GLYATL2: variants seen among roughly 807,000 people sequenced by gnomAD.
GLYATL2 encodes glycine N-acyltransferase-like protein 2.
In GLYATL2, 25 loss-of-function variants were observed where a neutral mutation model predicts 21.4. That is an observed-to-expected ratio of 1.17 (90% CI 0.85 to 1.63). The LOEUF (loss-of-function observed/expected upper bound fraction) is 1.63. Among genes scored for constraint, GLYATL2 ranks in the 40% most tolerant of loss-of-function variants. The probability of loss-of-function intolerance (pLI) is 0.00; values close to 1 mark genes in which losing one functional copy is unlikely to be tolerated. For synonymous variants in GLYATL2, 114 were observed against 118.2 expected (o/e 0.96, Z 0.23); for missense variants, 361 against 343.3 (o/e 1.05, Z -0.41).
chr11:58,875,211 A>G (rs1024625629), intron 1 of GLYATL2, among the ~76,000 whole-genome samples: 2 of 152,098 alleles, frequency 1.3e-5, no homozygotes, highest in Non-Finnish European at 2.9e-5. Flanking sequence ...TTTCCTGAAT[A>G]CAGCACACTG....
intron 1 of GLYATL2, among the ~76,000 whole-genome samples, chr11:58,883,225 T>A (rs1464612383): frequency 6.6e-6 from 1 of 152,188 alleles, no homozygotes; most frequent in East Asian, 1.9e-4. Context: ...TCCTCTTTTA[T>A]TTCGTTGAGC....
At chr11:58,882,381 T>G (rs1435939913) in intron 1 of GLYATL2, among the ~76,000 whole-genome samples, 2 of 152,244 alleles carry the variant, frequency 1.3e-5, no homozygotes, top group Non-Finnish European at 2.9e-5. Context: ...AATGTCTTCT[T>G]TTGAGAAGTG....
chr11:58,873,715 A>G, intron 1 of GLYATL2, among the ~76,000 whole-genome samples: 1 of 152,158 alleles, frequency 6.6e-6, no homozygotes, highest in Non-Finnish European at 1.5e-5. Context: ...TTTTTGCATC[A>G]ATGTTCATCA....
intron 1 of GLYATL2, among the ~76,000 whole-genome samples, chr11:58,891,615 A>G (rs1465025018): frequency 6.6e-6 from 1 of 152,186 alleles, no homozygotes; most frequent in Non-Finnish European, 1.5e-5. Flanking sequence ...TCCACCCTCT[A>G]GGACACTACA....
intron 1 of GLYATL2, among the ~76,000 whole-genome samples, chr11:58,891,846 G>A (rs1291438977): frequency 6.6e-6 from 1 of 152,196 alleles, no homozygotes; most frequent in Non-Finnish European, 1.5e-5. Context: ...TTGCAATCTT[G>A]ATTGTGCTGG....
chr11:58,836,628 A>C (rs762693257), intron 5 of GLYATL2, among the ~76,000 whole-genome samples: 5 of 152,342 alleles, frequency 3.3e-5, no homozygotes, highest in South Asian at 4.1e-4. Context: ...CATACATATC[A>C]GTGTCAAAAT....
At chr11:58,909,396 A>G in the GLYATL2 span, among the ~76,000 whole-genome samples, 1 of 152,332 alleles carries the variant, frequency 6.6e-6, no homozygotes, top group African/African-American at 2.4e-5. Flanking sequence ...TGTTCTTATT[A>G]CAAAAGTAAT....
At chr11:58,838,697 G>A (rs550405497) in intron 2 of GLYATL2, among the ~76,000 whole-genome samples, 5 of 152,128 alleles carry the variant, frequency 3.3e-5, no homozygotes, top group Admixed American at 1.3e-4. Context: ...CATCTATTAT[G>A]TATCAGGTCT....
intron 1 of GLYATL2, among the ~76,000 whole-genome samples, chr11:58,891,933 GCCTGGTGGAGGGTGACTAATTTCAT>G (rs1487730405): frequency 1.1e-4 from 17 of 152,232 alleles, no homozygotes; most frequent in Non-Finnish European, 1.0e-4. Context: ...GCATCTTAAG[GCCTGGTGGAGGGTGACTAATTTCAT>G]CCTGTCTTTG....
rs181324501 is a variant in GLYATL2, at chr11:58,872,818, G to T, written n.60+31338C>A. Among the ~76,000 whole-genome samples the T allele has an allele frequency of 2.0e-5, 3 of 152,190 alleles. No individual in the cohort carries two copies. The South Asian group carries it at 6.2e-4, about 31-fold the overall frequency. ...TTCAAGTAGTTTTTTCCAATTCTGT[G>T]AAGAAAGTCATTGGTAGCTTGATAG... is the stretch of plus-strand genomic sequence containing the variant. On this transcript the variant is annotated intron_variant and non_coding_transcript_variant, in intron 1 of 4. Transcript: ENST00000533636.
At chr11:58,872,353 C>T (rs1207360151) in intron 1 of GLYATL2, among the ~76,000 whole-genome samples, 8 of 152,160 alleles carry the variant, frequency 5.3e-5, no homozygotes, top group African/African-American at 1.4e-4. Flanking sequence ...ACATGAAGTC[C>T]TTGCCCATGC....
At chr11:58,861,045 C>T (rs1010815778) in intron 1 of GLYATL2, among the ~76,000 whole-genome samples, 2 of 152,008 alleles carry the variant, frequency 1.3e-5, no homozygotes, top group Non-Finnish European at 2.9e-5. Flanking sequence ...GTGCTATTGC[C>T]TATTATTTTC....
intron 1 of GLYATL2, among the ~76,000 whole-genome samples, chr11:58,888,171 G>C (rs985619963): frequency 6.6e-6 from 1 of 152,044 alleles, no homozygotes; most frequent in Non-Finnish European, 1.5e-5. Context: ...CTGGGGTTTT[G>C]TGTCATTCTT....
chr11:58,888,992 TACTA>T (rs1300391270), intron 1 of GLYATL2, among the ~76,000 whole-genome samples: 2 of 150,584 alleles, frequency 1.3e-5, no homozygotes, highest in Non-Finnish European at 3.0e-5. Context: ...TTTTTTGTGA[TACTA>T]AATCTTTTCA....
Position 58,834,680 on chromosome 11 carries a change from C to G in GLYATL2, c.634G>C (p.Val212Leu). Reference protein sequence around the residue: ...FGVLGPEGQLVSWIVMEQSCE... With the variant: ...FGVLGPEGQLLSWIVMEQSCE... ...GACTGTTCCATCACAATCCAAGAGA[C>G]AAGCTGGCCCTCTGGACCCAGCACA... The change falls in exon 6 of 6, where the codon GTC becomes CTC. Residue 212 changes from valine to leucine, a missense_variant. Val to Leu is a conservative substitution (Grantham distance 32). Transcript: ENST00000287275. The G allele has an allele frequency of 6.2e-7, 1 of 1,613,512 alleles. No homozygotes were observed. Among genetic ancestry groups the G allele is most frequent in the South Asian group, 1.1e-5 (1 of 91,034 alleles).
At chr11:58,884,277 C>T (rs1854396621) in intron 1 of GLYATL2, among the ~76,000 whole-genome samples, 2 of 152,134 alleles carry the variant, frequency 1.3e-5, no homozygotes, top group Admixed American at 1.3e-4. Flanking sequence ...GTCAAATTGT[C>T]CCTGTTTGCA....
chr11:58,882,425 G>A (rs1257724076), intron 1 of GLYATL2, among the ~76,000 whole-genome samples: 2 of 152,122 alleles, frequency 1.3e-5, no homozygotes, highest in East Asian at 1.9e-4. Flanking sequence ...TTTTGATGGG[G>A]TTGTTTGATT....
chr11:58,864,170 A>T (rs775570710), intron 1 of GLYATL2, among the ~76,000 whole-genome samples: 12 of 151,940 alleles, frequency 7.9e-5, no homozygotes, highest in Non-Finnish European at 1.5e-4. Context: ...CACAGGGGTC[A>T]GCCTGGAGGT....
chr11:58,851,269 A>T (rs1853736358), intron 1 of GLYATL2, among the ~76,000 whole-genome samples: 1 of 152,076 alleles, frequency 6.6e-6, no homozygotes, highest in Non-Finnish European at 1.5e-5. Flanking sequence ...ATGATCTCTC[A>T]TCTCTGCACA....
Sources: allele counts gnomAD v4.1 joint callset (sites outside exome capture counted in the v4.1 genomes callset), GRCh38; gene constraint gnomAD v4.1.1; transcripts MANE v1.5; gene names NCBI Gene and HGNC (gene_info 2026-07-23, HGNC 2026-07-21).